The following MS4A3 variants were observed in gnomAD, a reference collection of about 807,000 sequenced individuals.
The protein encoded by MS4A3 is membrane-spanning 4-domains subfamily A member 3.
MS4A3 carries 18 observed loss-of-function variants against 24.7 expected under a neutral mutation model. The observed-to-expected ratio is 0.73, with a 90% CI of 0.50 to 1.08. The LOEUF (loss-of-function observed/expected upper bound fraction) is 1.08, where lower values mean the gene tolerates loss of function less well. MS4A3 is among the 50% of genes least tolerant of loss of function. The pLI is 0.00. For missense variants in MS4A3, 282 were observed against 251.7 expected, an observed-to-expected ratio of 1.12 and a Z score of -0.82; for synonymous variants, 84 against 95.3, an observed-to-expected ratio of 0.88 and a Z score of 0.69.
At chr11:60,061,654 GTTTATA>G (rs1301849287) in intron 2 of MS4A3, 9 of 277,652 alleles carry the variant, frequency 3.2e-5, no homozygotes, top group Non-Finnish European at 6.3e-5. Flanking sequence ...ATAATCGACT[GTTTATA>G]TTAATAGTAA....
chr11:60,065,069 C>T (rs1326843421), intron 4 of MS4A3, among the ~76,000 whole-genome samples: 1 of 152,106 alleles, frequency 6.6e-6, no homozygotes, highest in African/African-American at 2.4e-5. Context: ...TTTCGAGTCT[C>T]ACTCTGTCAC....
chr11:60,068,641 C>T (rs564946118), intron 5 of MS4A3, among the ~76,000 whole-genome samples: 4 of 152,180 alleles, frequency 2.6e-5, no homozygotes, highest in African/African-American at 9.6e-5. Context: ...TGGAATTATC[C>T]ATTTCATCCC....
At chr11:60,063,198 T>TA (rs1356213393) in intron 3 of MS4A3, among the ~76,000 whole-genome samples, 1 of 152,172 alleles carries the variant, frequency 6.6e-6, no homozygotes, top group Non-Finnish European at 1.5e-5. Context: ...TATAGATACT[T>TA]AAAAAATTGA....
intron 5 of MS4A3, among the ~76,000 whole-genome samples, chr11:60,068,219 A>G (rs1267176418): frequency 6.7e-6 from 1 of 149,974 alleles, no homozygotes; most frequent in Non-Finnish European, 1.5e-5. Context: ...TTCAAAGGAA[A>G]GCTCTTTAAT....
chr11:60,062,628 CTA>C (rs769341618), intron 3 of MS4A3, 23 bp downstream of exon 3: 1 of 1,612,990 alleles, frequency 6.2e-7, no homozygotes, highest in South Asian at 1.1e-5. Flanking sequence ...ACTCCCCTGG[CTA>C]TATGTTATTT....
chr11:60,068,894 C>T lies in MS4A3; in HGVS notation c.514-680C>T, dbSNP rs115357896. On this transcript the variant is annotated intron_variant, in intron 5 of 6. Coordinates refer to ENST00000278865, the MANE Select transcript of MS4A3 (RefSeq NM_006138.5). ...ACAGGCCCTGGTGTGTGATGTTCCCCGCCTTGCGTCCAAGTGTTCTCATTG... is the reference window on the plus strand; with the variant it reads ...ACAGGCCCTGGTGTGTGATGTTCCCTGCCTTGCGTCCAAGTGTTCTCATTG... Among the ~76,000 whole-genome samples, 1,207 of 152,146 alleles carry T rather than the reference C, an allele frequency of 7.9e-3. 16 individuals are homozygous for T. Among genetic ancestry groups the T allele is most frequent in the African/African-American group, 0.027 (1,133 of 41,486 alleles).
intron 1 of MS4A3, among the ~76,000 whole-genome samples, chr11:60,057,364 A>G (rs1220487635): frequency 6.6e-6 from 1 of 151,956 alleles, no homozygotes; most frequent in East Asian, 1.9e-4. Context: ...CTTAACTGGC[A>G]GTTTCCTAGA....
chr11:60,069,976 A>G (rs1038856455), intron 6 of MS4A3, among the ~76,000 whole-genome samples: 4 of 152,226 alleles, frequency 2.6e-5, no homozygotes, highest in African/African-American at 9.6e-5. Context: ...GGAAAAATTA[A>G]TAATTCTTTC....
chr11:60,069,646 T>G lies in MS4A3; in HGVS notation c.586T>G (p.Cys196Gly). Residue 196 changes from cysteine (C) to glycine (G), a missense_variant, in exon 6 of 7, where the codon TGC (cysteine) becomes GGC (glycine). Transcript: ENST00000278865. ...CVTISTIAMW[C>G]NANCCNSREE... ...AACCATCTCTACCATAGCCATGTGGTGCAATGCAAACTGCTGTAATTCAAG... is the reference window on the plus strand; with the variant it reads ...AACCATCTCTACCATAGCCATGTGGGGCAATGCAAACTGCTGTAATTCAAG... 1 of 1,613,574 alleles carries G rather than the reference T, an allele frequency of 6.2e-7. No individual in the cohort carries two copies. The highest frequency in any genetic ancestry group is 2.2e-5 in the East Asian group (1 of 44,864).
At chr11:60,070,121 G>A (rs1211996676) in intron 6 of MS4A3, 83 bp from the exon 7 acceptor site, 5 of 1,192,782 alleles carry the variant, frequency 4.2e-6, no homozygotes, top group Non-Finnish European at 6.2e-6. Flanking sequence ...TATTGTTGAT[G>A]ATTATGATGA....
At chr11:60,057,069 G>C (rs545526581) in intron 1 of MS4A3, among the ~76,000 whole-genome samples, 1 of 152,150 alleles carries the variant, frequency 6.6e-6, no homozygotes, top group African/African-American at 2.4e-5. Flanking sequence ...GGGTGGTCTC[G>C]ATATGCCTGA....
chr11:60,065,336 G>T (rs1213399801), intron 4 of MS4A3, among the ~76,000 whole-genome samples: 1 of 151,398 alleles, frequency 6.6e-6, no homozygotes, highest in Non-Finnish European at 1.5e-5. Context: ...ACAGGCGTGA[G>T]TTACCTTGCC....
At chr11:60,069,454 A>G (rs1255396353) in intron 5 of MS4A3, 120 bp from the exon 6 acceptor site, 4 of 675,128 alleles carry the variant, frequency 5.9e-6, no homozygotes, top group African/African-American at 5.4e-5. Context: ...TCTTTAATTT[A>G]TGGTTCACTT....
chr11:60,069,629 C>G lies in MS4A3; in HGVS notation c.569C>G (p.Ser190Cys). 6.2e-7 allele frequency: 1 copy of G among 1,613,748 alleles called. No individual in the cohort carries two copies. The highest frequency in any genetic ancestry group is 8.5e-7 in the Non-Finnish European group (1 of 1,179,706). ...TTGCTGGAATTATGCGTAACCATCTCTACCATAGCCATGTGGTGCAATGCA... is the reference window on the plus strand; with the variant it reads ...TTGCTGGAATTATGCGTAACCATCTGTACCATAGCCATGTGGTGCAATGCA... Reference protein sequence around the residue: ...LTLLELCVTISTIAMWCNANC... With the variant: ...LTLLELCVTICTIAMWCNANC... Residue 190 changes from serine (S) to cysteine (C), a missense_variant, in exon 6 of 7, where the codon TCT becomes TGT. Coordinates refer to ENST00000278865, the MANE Select transcript of MS4A3 (RefSeq NM_006138.5).
At chr11:60,067,977 G>A (rs1187801982) in intron 5 of MS4A3, among the ~76,000 whole-genome samples, 3 of 151,892 alleles carry the variant, frequency 2.0e-5, no homozygotes, top group Non-Finnish European at 2.9e-5. Context: ...ACTTGAACCC[G>A]GGAGGCGGAG....
At chr11:60,067,636 TGTGA>T (rs1011749194) in intron 5 of MS4A3, among the ~76,000 whole-genome samples, 4 of 152,254 alleles carry the variant, frequency 2.6e-5, no homozygotes, top group African/African-American at 7.2e-5. Context: ...ATAGGATTTA[TGTGA>T]GTATTTAAAA....
intron 1 of MS4A3, among the ~76,000 whole-genome samples, chr11:60,056,999 CTT>C (rs1306407327): frequency 2.0e-5 from 3 of 152,122 alleles, no homozygotes; most frequent in Non-Finnish European, 4.4e-5. Flanking sequence ...ACACGCACCT[CTT>C]AGGTACATTA....
At chr11:60,056,866 T>A (rs1565059776) in intron 1 of MS4A3, 126 bp downstream of exon 1, 1 of 152,210 alleles carries the variant, frequency 6.6e-6, no homozygotes, top group Admixed American at 6.5e-5. Flanking sequence ...TTTGGAACAT[T>A]TAACTGTGAA....
intron 1 of MS4A3, among the ~76,000 whole-genome samples, chr11:60,059,312 CA>C (rs1222113052): frequency 6.6e-6 from 1 of 151,330 alleles, no homozygotes; most frequent in African/African-American, 2.4e-5. Flanking sequence ...TTTAGCTTGA[CA>C]AAAAATTAAG....
Sources: gnomAD v4.1 joint callset for allele counts (sites outside exome capture counted in the v4.1 genomes callset) on GRCh38, gnomAD v4.1.1 for gene constraint, MANE v1.5 for transcripts, NCBI Gene and HGNC (gene_info 2026-07-23, HGNC 2026-07-21) for gene names.